TRIM44: variants seen among roughly 807,000 people sequenced by gnomAD.
The protein encoded by TRIM44 is tripartite motif-containing protein 44.
In TRIM44, 13 loss-of-function variants were observed where a neutral mutation model predicts 37.4. The observed-to-expected ratio is 0.35, with a 90% CI of 0.23 to 0.55. The LOEUF (loss-of-function observed/expected upper bound fraction) is 0.55, where lower values mean the gene tolerates loss of function less well. Among genes scored for constraint, TRIM44 ranks in the 20% least tolerant of loss-of-function variants. The probability of loss-of-function intolerance (pLI) is 0.89; values close to 1 mark genes in which losing one functional copy is unlikely to be tolerated. For synonymous variants in TRIM44, 175 were observed against 157.2 expected (o/e 1.11, Z -0.85); for missense variants, 426 against 437.2 (o/e 0.97, Z 0.23).
intron 2 of TRIM44, among the ~76,000 whole-genome samples, chr11:35,705,629 C>T (rs1197335598): frequency 1.3e-5 from 2 of 149,578 alleles, no homozygotes; most frequent in African/African-American, 2.4e-5. Flanking sequence ...TGCTCAACTA[C>T]ATGGAAACTG....
intron 4 of TRIM44, among the ~76,000 whole-genome samples, chr11:35,800,566 C>A (rs1413900000): frequency 6.6e-6 from 1 of 152,188 alleles, no homozygotes; most frequent in Non-Finnish European, 1.5e-5. Context: ...AATCCTTTAG[C>A]TAGACACAGA....
At chr11:35,714,346 C>T (rs1007536303) in intron 2 of TRIM44, among the ~76,000 whole-genome samples, 2 of 152,094 alleles carry the variant, frequency 1.3e-5, no homozygotes, top group East Asian at 1.9e-4. Flanking sequence ...TATTATTACC[C>T]TCATTTTACA....
In TRIM44 at chr11:35,663,120, T is replaced by C; in HGVS notation, c.9T>C (p.Ser3=). 2 of 1,524,768 alleles carry C rather than the reference T, an allele frequency of 1.3e-6. No homozygotes were observed. Among genetic ancestry groups the C allele is most frequent in the Non-Finnish European group, 8.8e-7 (1 of 1,140,590 alleles). The allele number at this position is 1,524,768 out of a possible 1,614,324, so 94.5% of individuals were successfully genotyped here. MA[S]GVGAAFEELP... ...CGCGTCACAGCACCCACATGGCCTC[T>C]GGAGTGGGCGCGGCCTTCGAGGAAC... The change falls in exon 1 of 5, where the codon TCT becomes TCC. Residue 3 remains serine (S), a synonymous_variant. Transcript: ENST00000299413.
chr11:35,753,927 C>T (rs1303614633), intron 4 of TRIM44, among the ~76,000 whole-genome samples: 1 of 151,922 alleles, frequency 6.6e-6, no homozygotes. Context: ...CAGAGTTTCA[C>T]CATGTTGTTC....
intron 1 of TRIM44, among the ~76,000 whole-genome samples, chr11:35,683,899 G>A (rs1336035835): frequency 2.6e-5 from 4 of 151,660 alleles, no homozygotes; most frequent in South Asian, 2.1e-4. Context: ...AAAATATCAC[G>A]AGGGAGACAG....
intron 1 of TRIM44, among the ~76,000 whole-genome samples, chr11:35,683,525 G>A (rs903521174): frequency 1.3e-5 from 2 of 152,122 alleles, no homozygotes. Flanking sequence ...TGGAAGATAT[G>A]TTATCACAGA....
chr11:35,754,102 TACTAA>T (rs57056637), intron 4 of TRIM44, among the ~76,000 whole-genome samples: 1,593 of 152,224 alleles, frequency 0.01, 30 homozygotes, highest in African/African-American at 0.037. Flanking sequence ...GACTAGTAAG[TACTAA>T]GCATTTTACA....
chr11:35,789,216 C>A (rs1051517906), intron 4 of TRIM44, among the ~76,000 whole-genome samples: 1 of 152,046 alleles, frequency 6.6e-6, no homozygotes, highest in African/African-American at 2.4e-5. Context: ...AGTAAAAGAC[C>A]TATGCACCTC....
intron 1 of TRIM44, 118 bp downstream of exon 1, chr11:35,663,898 A>G: frequency 8.0e-7 from 1 of 1,253,164 alleles, no homozygotes; most frequent in South Asian, 1.5e-5. Flanking sequence ...TAGTCTTTCC[A>G]ACTTTTTGGG....
intron 1 of TRIM44, among the ~76,000 whole-genome samples, chr11:35,684,652 A>G (rs141871981): frequency 2.0e-3 from 302 of 152,308 alleles, no homozygotes; most frequent in Non-Finnish European, 3.7e-3. Context: ...TTGGAACTGT[A>G]TATGTCTGAC....
rs531073077 is a variant in TRIM44 at position 35,757,403 on chromosome 11, A to T, written c.1007+21958A>T. 1.8e-4 allele frequency among the ~76,000 whole-genome samples: 28 copies of T among 152,070 alleles called. No homozygotes were observed. In the South Asian group the frequency reaches 5.6e-3, roughly 30 times the overall value. Reference sequence around the variant, plus strand: ...TTGATTCTTCTCTCTTTTCTTCATTAGTCTTGCTAGCAGTCTATCAATTTT... The same window carrying T: ...TTGATTCTTCTCTCTTTTCTTCATTTGTCTTGCTAGCAGTCTATCAATTTT... On this transcript the variant is annotated intron_variant, in intron 4 of 4. Transcript: ENST00000299413.
chr11:35,734,515 C>T (rs375931882), intron 3 of TRIM44, among the ~76,000 whole-genome samples: 2 of 152,278 alleles, frequency 1.3e-5, no homozygotes, highest in East Asian at 3.9e-4. Flanking sequence ...TTCATTCATT[C>T]TCCGAGGAGT....
At chr11:35,672,706 T>C (rs1317202830) in intron 1 of TRIM44, among the ~76,000 whole-genome samples, 2 of 152,262 alleles carry the variant, frequency 1.3e-5, no homozygotes, top group Non-Finnish European at 2.9e-5. Flanking sequence ...GTATATTCCA[T>C]AGTGGTCAGT....
chr11:35,742,730 T>C (rs1852425113), intron 4 of TRIM44, among the ~76,000 whole-genome samples: 1 of 138,376 alleles, frequency 7.2e-6, no homozygotes, highest in African/African-American at 2.7e-5. Context: ...TATAATTATA[T>C]TAAATATAAT....
At chr11:35,732,331 A>T (rs1852272113) in intron 3 of TRIM44, among the ~76,000 whole-genome samples, 1 of 152,208 alleles carries the variant, frequency 6.6e-6, no homozygotes, top group Admixed American at 6.5e-5. Context: ...AGCATTTGTG[A>T]TAATTAGGGA....
At chr11:35,730,838 A>G (rs901546504) in intron 3 of TRIM44, among the ~76,000 whole-genome samples, 2 of 148,714 alleles carry the variant, frequency 1.3e-5, no homozygotes, top group Non-Finnish European at 3.0e-5. Context: ...GTTTTTATAT[A>G]TTAGCCTTAT....
intron 2 of TRIM44, among the ~76,000 whole-genome samples, chr11:35,711,248 A>C (rs1186933300): frequency 6.6e-6 from 1 of 151,738 alleles, no homozygotes. Context: ...TGCCTGAATC[A>C]GTTTTTTCAA....
intron 2 of TRIM44, among the ~76,000 whole-genome samples, chr11:35,715,386 A>T (rs1438040953): frequency 6.7e-6 from 1 of 150,004 alleles, no homozygotes; most frequent in Non-Finnish European, 1.5e-5. Context: ...TCCTGAGCCT[A>T]TATTATTCTC....
Position 35,807,848 on chromosome 11 carries a change from A to C in TRIM44, c.*1463A>C, listed in dbSNP as rs1174496144. The C allele has an allele frequency of 2.0e-5, 3 of 152,250 alleles. No homozygotes were observed. The highest frequency in any genetic ancestry group is 6.5e-5 in the Admixed American group (1 of 15,278). 9.4% of individuals were successfully genotyped at this position (152,250 alleles called of 1,614,324 possible). On this transcript the variant is annotated 3_prime_UTR_variant, in exon 5 of 5. Coordinates refer to ENST00000299413, the MANE Select transcript of TRIM44 (RefSeq NM_017583.6). ...AAGCATACAACTAGAACCATATCCA[A>C]GCAGACTCTGGGTTGCTGTTAACCC...
Sources: gnomAD v4.1 joint callset for allele counts (sites outside exome capture counted in the v4.1 genomes callset) on GRCh38, gnomAD v4.1.1 for gene constraint, MANE v1.5 for transcripts, NCBI Gene and HGNC (gene_info 2026-07-23, HGNC 2026-07-21) for gene names.